The following FARP1 variants were observed in gnomAD, a reference collection of about 807,000 sequenced individuals.
FARP1 encodes the protein FERM, ARH/RhoGEF and pleckstrin domain protein 1, also known as FERM, ARHGEF and pleckstrin domain-containing protein 1.
A neutral mutation model predicts 128.8 loss-of-function variants in FARP1; 52 were observed. That is an observed-to-expected ratio of 0.40 (90% CI 0.32 to 0.51). FARP1 has a LOEUF of 0.51. Ranked by LOEUF, FARP1 falls within the 20% of genes least tolerant of loss-of-function variation. The probability of loss-of-function intolerance (pLI) is 0.45; values close to 1 mark genes in which losing one functional copy is unlikely to be tolerated. For synonymous variants in FARP1, 580 were observed against 551.8 expected (o/e 1.05, Z -0.72); for missense variants, 1,333 against 1,367.9 (o/e 0.97, Z 0.40).
intron 15 of FARP1, 88 bp from the exon 16 acceptor site, chr13:98,411,813 C>A: frequency 7.0e-7 from 1 of 1,421,814 alleles, no homozygotes; most frequent in Non-Finnish European, 9.7e-7. Flanking sequence ...CCTCCCAGTG[C>A]ATTTGGCTGC....
At chr13:98,166,011 C>G (rs747260164) in intron 1 of FARP1, among the ~76,000 whole-genome samples, 3 of 152,176 alleles carry the variant, frequency 2.0e-5, no homozygotes, top group Admixed American at 2.0e-4. Context: ...TGAGCCACTG[C>G]GCCCAGCCCA....
chr13:98,349,625 C>T (rs534222112), intron 3 of FARP1, among the ~76,000 whole-genome samples: 46 of 137,824 alleles, frequency 3.3e-4, no homozygotes, highest in African/African-American at 8.4e-4. Flanking sequence ...GAGCCGAGAT[C>T]GCACCACTGC....
chr13:98,237,041 A>T (rs1293991727), intron 2 of FARP1, among the ~76,000 whole-genome samples: 1 of 151,850 alleles, frequency 6.6e-6, no homozygotes, highest in African/African-American at 2.4e-5. Flanking sequence ...CGTGTGGCTC[A>T]TGTCTGTAAT....
intron 2 of FARP1, among the ~76,000 whole-genome samples, chr13:98,274,887 A>G (rs1382673057): frequency 5.3e-5 from 8 of 152,232 alleles, no homozygotes; most frequent in African/African-American, 1.4e-4. Context: ...TTTTGTATTC[A>G]GATCAGATCA....
chr13:98,204,810 T>C (rs1880168076), intron 1 of FARP1, among the ~76,000 whole-genome samples: 1 of 152,090 alleles, frequency 6.6e-6, no homozygotes, highest in Admixed American at 6.6e-5. Flanking sequence ...CTGGTGGTGG[T>C]GGTGGTGCAT....
At chr13:98,288,700 C>T (rs140725940) in intron 2 of FARP1, among the ~76,000 whole-genome samples, 2 of 152,256 alleles carry the variant, frequency 1.3e-5, no homozygotes, top group East Asian at 1.9e-4. Context: ...TGCCTACAGA[C>T]GGATCATTGT....
At chr13:98,310,934 A>C (rs1280710858) in intron 2 of FARP1, among the ~76,000 whole-genome samples, 5 of 152,198 alleles carry the variant, frequency 3.3e-5, no homozygotes, top group African/African-American at 1.2e-4. Context: ...GTCAAAGGGC[A>C]TAGCAATAGC....
chr13:98,219,160 A>T (rs987651831), intron 2 of FARP1, among the ~76,000 whole-genome samples: 2 of 152,168 alleles, frequency 1.3e-5, no homozygotes, highest in Non-Finnish European at 2.9e-5. Flanking sequence ...CTGGTGACAG[A>T]TTCTAGAGCT....
chr13:98,199,882 A>G (rs1566731903), intron 1 of FARP1, among the ~76,000 whole-genome samples: 1 of 152,186 alleles, frequency 6.6e-6, no homozygotes, highest in African/African-American at 2.4e-5. Flanking sequence ...GTACTCTCAG[A>G]ATCATTGAGA....
At chr13:98,171,903 C>G (rs1272780178) in intron 1 of FARP1, among the ~76,000 whole-genome samples, 1 of 152,174 alleles carries the variant, frequency 6.6e-6, no homozygotes, top group African/African-American at 2.4e-5. Context: ...GGTCACATTT[C>G]TCTATCTCAT....
At chr13:98,443,046 A>G (rs1392523389) in intron 24 of FARP1, among the ~76,000 whole-genome samples, 3 of 152,218 alleles carry the variant, frequency 2.0e-5, no homozygotes, top group African/African-American at 4.8e-5. Context: ...TTCCGTGTGC[A>G]TGATCAGGTC....
At chr13:98,181,545 T>C (rs1245167241) in intron 1 of FARP1, among the ~76,000 whole-genome samples, 1 of 151,546 alleles carries the variant, frequency 6.6e-6, no homozygotes, top group Non-Finnish European at 1.5e-5. Context: ...TACAAAAAAG[T>C]AAAAAGAAGA....
intron 9 of FARP1, among the ~76,000 whole-genome samples, chr13:98,389,333 A>G (rs1468673921): frequency 6.6e-6 from 1 of 152,256 alleles, no homozygotes; most frequent in Non-Finnish European, 1.5e-5. Context: ...GGGAATGCTA[A>G]GGACAGTAGT....
At chr13:98,348,953 C>G (rs1888292622) in intron 3 of FARP1, among the ~76,000 whole-genome samples, 1 of 152,194 alleles carries the variant, frequency 6.6e-6, no homozygotes, top group African/African-American at 2.4e-5. Flanking sequence ...AGGATCCACA[C>G]AGAGCCTCTC....
chr13:98,320,104 G>A (rs1886925525), intron 2 of FARP1, among the ~76,000 whole-genome samples: 2 of 152,108 alleles, frequency 1.3e-5, no homozygotes, highest in Non-Finnish European at 2.9e-5. Flanking sequence ...CTAGCTCTTC[G>A]GTGCCTGCCG....
intron 2 of FARP1, among the ~76,000 whole-genome samples, chr13:98,292,254 C>A (rs1885483312): frequency 1.3e-5 from 2 of 152,198 alleles, no homozygotes; most frequent in African/African-American, 2.4e-5. Flanking sequence ...TACATAGCAT[C>A]CACATTTTTA....
At chr13:98,156,922 A>C (rs1229734963) in intron 1 of FARP1, among the ~76,000 whole-genome samples, 1 of 152,120 alleles carries the variant, frequency 6.6e-6, no homozygotes, top group Non-Finnish European at 1.5e-5. Context: ...AGTCACTGAA[A>C]TAGCAAAAAC....
chr13:98,411,741 A>T (rs1891200845), intron 15 of FARP1, among the ~76,000 whole-genome samples, 160 bp from the exon 16 acceptor site: 1 of 152,218 alleles, frequency 6.6e-6, no homozygotes, highest in African/African-American at 2.4e-5. Context: ...AAGGGGAAGC[A>T]GTAAGGCCCG....
intron 2 of FARP1, among the ~76,000 whole-genome samples, chr13:98,246,373 G>A (rs1015857064): frequency 1.8e-4 from 27 of 151,940 alleles, no homozygotes; most frequent in African/African-American, 5.5e-4. Flanking sequence ...GATTACAGGC[G>A]TGAGCCACCG....
Sources: allele counts gnomAD v4.1 joint callset (sites outside exome capture counted in the v4.1 genomes callset), GRCh38; gene constraint gnomAD v4.1.1; transcripts MANE v1.5; gene names NCBI Gene and HGNC (gene_info 2026-07-23, HGNC 2026-07-21).